The following MYT1L variants were observed in gnomAD, a reference collection of about 807,000 sequenced individuals.
MYT1L encodes myelin transcription factor 1-like protein.
MYT1L carries 12 observed loss-of-function variants against 126.7 expected under a neutral mutation model. The observed-to-expected ratio is 0.09, with a 90% CI of 0.06 to 0.15. MYT1L has a LOEUF of 0.15. Ranked by LOEUF, MYT1L falls within the 10% of genes least tolerant of loss-of-function variation. The pLI is 1.00. For missense variants in MYT1L, 979 were observed against 1,585.2 expected, an observed-to-expected ratio of 0.62 and a Z score of 6.49; for synonymous variants, 541 against 604.2, an observed-to-expected ratio of 0.90 and a Z score of 1.53.
chr2:1,790,159 T>C lies in MYT1L; in HGVS notation c.*1708A>G, dbSNP rs1262549857. 6.6e-6 allele frequency: 1 copy of C among 152,198 alleles called. No homozygotes were observed. Among genetic ancestry groups the C allele is most frequent in the East Asian group, 1.9e-4 (1 of 5,184 alleles). The allele number at this position is 152,198 out of a possible 1,614,324, so 9.4% of individuals were successfully genotyped here. ...ATATATAGGACAAGGTAAGTGCAAA[T>C]AGTCGACTGGCACATTGTGGGGACA... On this transcript the variant is annotated 3_prime_UTR_variant, in exon 25 of 25. Transcript: ENST00000647738.
chr2:2,084,988 A>C (rs1477141113), intron 3 of MYT1L, among the ~76,000 whole-genome samples: 3 of 151,856 alleles, frequency 2.0e-5, no homozygotes, highest in Non-Finnish European at 4.4e-5. Context: ...AGCCCTCCTC[A>C]CCCTCCAATT....
At chr2:1,835,017 C>CAGGTACTCCTCCACATACCAT (rs2040685129) in intron 21 of MYT1L, among the ~76,000 whole-genome samples, 9 of 75,748 alleles carry the variant, frequency 1.2e-4, no homozygotes, top group African/African-American at 3.1e-4. Context: ...CCACATACCA[C>CAGGTACTCCTCCACATACCAT]GGGGATGGAT....
intron 21 of MYT1L, among the ~76,000 whole-genome samples, chr2:1,831,732 T>A (rs1401176536): frequency 6.6e-6 from 1 of 152,158 alleles, no homozygotes; most frequent in Non-Finnish European, 1.5e-5. Context: ...CTTCTGCACA[T>A]CATGGCGCCT....
At chr2:2,170,042 C>T (rs2089792675) in intron 3 of MYT1L, among the ~76,000 whole-genome samples, 1 of 152,198 alleles carries the variant, frequency 6.6e-6, no homozygotes, top group Admixed American at 6.5e-5. Flanking sequence ...ACCTTGCTCT[C>T]TTCATCCTTC....
rs1388102410 is a variant in MYT1L, at chr2:1,848,344, G to A, written c.2774+3297C>T. On this transcript the variant is annotated intron_variant, in intron 19 of 24. Coordinates refer to ENST00000647738, the MANE Select transcript of MYT1L (RefSeq NM_001303052.2). This position sits in a 1 kb window ranked among gnomAD's most constrained non-coding sequence, Gnocchi z 4.8. Reference sequence around the variant, plus strand: ...GAAGAATTCCAGACACCACGGAAGCGCGAGGCGTTTGTCCTGGGAGCAGGA... The same window carrying A: ...GAAGAATTCCAGACACCACGGAAGCACGAGGCGTTTGTCCTGGGAGCAGGA... Among the ~76,000 whole-genome samples, 3 of 149,198 alleles carry A rather than the reference G, an allele frequency of 2.0e-5. No homozygotes were observed. Among genetic ancestry groups the A allele is most frequent in the Middle Eastern group, 3.2e-3 (1 of 314 alleles).
chr2:2,021,577 A>G (rs749022185), intron 4 of MYT1L, among the ~76,000 whole-genome samples: 1 of 152,178 alleles, frequency 6.6e-6, no homozygotes, highest in Non-Finnish European at 1.5e-5. Flanking sequence ...GACAAGGAAG[A>G]TGACTTTTAC....
intron 18 of MYT1L, among the ~76,000 whole-genome samples, chr2:1,877,247 T>G (rs2047022382): frequency 6.6e-6 from 1 of 152,138 alleles, no homozygotes; most frequent in South Asian, 2.1e-4. Context: ...TGATGGAAGC[T>G]GCAAAAACAC....
rs1443986513 is a variant in MYT1L, at chr2:1,790,969, G to A, written c.*898C>T. On this transcript the variant is annotated 3_prime_UTR_variant, in exon 25 of 25. Coordinates refer to ENST00000647738, the MANE Select transcript of MYT1L (RefSeq NM_001303052.2). Reference sequence around the variant, plus strand: ...CAGTTCAGAGGGGCACGAAACTCTAGGGGAGATACGAGAAGGTTGTTCCAA... The same window carrying A: ...CAGTTCAGAGGGGCACGAAACTCTAAGGGAGATACGAGAAGGTTGTTCCAA... 3.6e-6 allele frequency: 1 copy of A among 280,210 alleles called. No homozygotes were observed. Among genetic ancestry groups the A allele is most frequent in the Non-Finnish European group, 7.1e-6 (1 of 141,644 alleles). The allele number at this position is 280,210 out of a possible 1,614,324, so 17.4% of individuals were successfully genotyped here. A position where few individuals can be genotyped will look rare whatever the true frequency, so the allele number is the denominator to read the frequency against.
rs545919139 is a variant in MYT1L, at chr2:1,797,482, A to G, written c.3276+4214T>C. Among the ~76,000 whole-genome samples the G allele has an allele frequency of 4.5e-3, 687 of 152,216 alleles. 4 individuals are homozygous for G. The highest frequency in any genetic ancestry group is 8.6e-3 in the Non-Finnish European group (585 of 67,994). On this transcript the variant is annotated intron_variant, in intron 23 of 24. Coordinates refer to ENST00000647738, the MANE Select transcript of MYT1L (RefSeq NM_001303052.2). ...TGATCTGCCCGCCTCGGCCTCCCAA[A>G]GTGCTGGGATTACAGGCGTGAGCCA...
At chr2:1,961,165 T>C (rs1558550521) in intron 8 of MYT1L, among the ~76,000 whole-genome samples, 1 of 152,214 alleles carries the variant, frequency 6.6e-6, no homozygotes, top group Non-Finnish European at 1.5e-5. Context: ...CCAAATATTG[T>C]AATTTCTGAA....
At chr2:2,039,870 G>A (rs992120701) in intron 4 of MYT1L, among the ~76,000 whole-genome samples, 1 of 152,152 alleles carries the variant, frequency 6.6e-6, no homozygotes, top group African/African-American at 2.4e-5. Context: ...ATAAGTGTGT[G>A]AGATGGATCA....
chr2:2,178,199 T>C (rs1313523649), intron 2 of MYT1L, among the ~76,000 whole-genome samples: 1 of 152,192 alleles, frequency 6.6e-6, no homozygotes, highest in African/African-American at 2.4e-5. Flanking sequence ...TCAAAAGATA[T>C]GTGTCAATTA....
intron 3 of MYT1L, among the ~76,000 whole-genome samples, chr2:2,108,019 A>C (rs1291918455): frequency 6.6e-6 from 1 of 152,066 alleles, no homozygotes; most frequent in Non-Finnish European, 1.5e-5. Context: ...GCTTGAATAA[A>C]CCTCACTACC....
In MYT1L at chr2:1,993,194, C is replaced by T. The variant is rs564099037; in HGVS notation, c.-1+3997G>A. On this transcript the variant is annotated intron_variant, in intron 5 of 24. Coordinates refer to ENST00000647738, the MANE Select transcript of MYT1L (RefSeq NM_001303052.2). ...AATTACTCTTTCTCTATTGCAATTC[C>T]CCCGTCTTGGTGAATCAGCTCTGTC... Among the ~76,000 whole-genome samples the T allele has an allele frequency of 2.6e-5, 4 of 152,306 alleles. No individual in the cohort carries two copies. In the South Asian group the frequency reaches 8.3e-4, roughly 32 times the overall value.
intron 18 of MYT1L, among the ~76,000 whole-genome samples, chr2:1,882,439 G>A (rs370839625): frequency 2.0e-5 from 3 of 152,132 alleles, no homozygotes; most frequent in African/African-American, 7.2e-5. Flanking sequence ...AGCAAGCTTC[G>A]AAGTGGGAGA....
In MYT1L at chr2:1,858,035, T is replaced by C. The variant is rs111259570; in HGVS notation, c.2712-6332A>G. The stretch of plus-strand genomic sequence containing the variant: ...GCACCACCATACCCAGCTAATCTTT[T>C]GTATTTTTGTAGAGACAGGGGTTTC... On this transcript the variant is annotated intron_variant, in intron 18 of 24. Transcript: ENST00000647738. Among the ~76,000 whole-genome samples, 61 of 152,286 alleles carry C rather than the reference T, an allele frequency of 4.0e-4. 1 individual carries two copies. The highest frequency in any genetic ancestry group is 1.4e-3 in the African/African-American group (57 of 41,566).
chr2:2,080,758 T>C (rs2075737107), intron 3 of MYT1L, among the ~76,000 whole-genome samples: 2 of 152,172 alleles, frequency 1.3e-5, no homozygotes, highest in South Asian at 4.1e-4. Flanking sequence ...GGTGGGAATA[T>C]AAAATATTGC....
rs1003725339 is a variant in MYT1L, at chr2:2,159,167, G to A, written c.-304+13705C>T. Among the ~76,000 whole-genome samples the A allele has an allele frequency of 3.1e-4, 46 of 147,858 alleles. 1 individual carries two copies. Among genetic ancestry groups the A allele is most frequent in the African/African-American group, 1.1e-3 (42 of 37,396 alleles). ...CCCAGGAAAATACTTGGTGAAGCAG[G>A]GGGCTGTCGGGGTGACGGTGACAGA... On this transcript the variant is annotated intron_variant, in intron 3 of 24. Coordinates refer to ENST00000647738, the MANE Select transcript of MYT1L (RefSeq NM_001303052.2).
At chr2:2,153,013 G>A (rs2086065196) in intron 3 of MYT1L, among the ~76,000 whole-genome samples, 1 of 152,154 alleles carries the variant, frequency 6.6e-6, no homozygotes, top group Non-Finnish European at 1.5e-5. Context: ...AAAAATATAA[G>A]AGGTCCAGGC....
Sources: allele counts gnomAD v4.1 joint callset (sites outside exome capture counted in the v4.1 genomes callset), GRCh38; gene constraint gnomAD v4.1.1; non-coding constraint Gnocchi (gnomAD v3.1); transcripts MANE v1.5; gene names NCBI Gene and HGNC (gene_info 2026-07-23, HGNC 2026-07-21).